The following BEST1 variants were observed in gnomAD, a reference collection of about 807,000 sequenced individuals.
BEST1 encodes bestrophin-1.
BEST1 carries 58 observed loss-of-function variants against 63.3 expected under a neutral mutation model. That is an observed-to-expected ratio of 0.92 (90% CI 0.74 to 1.14). The LOEUF (loss-of-function observed/expected upper bound fraction) is 1.14. Ranked by LOEUF, BEST1 falls within the 50% of genes most tolerant of loss-of-function variation. The pLI is 0.00. For missense variants in BEST1, 671 were observed against 740.1 expected (o/e 0.91, Z 1.08); for synonymous variants, 283 against 291.6 (o/e 0.97, Z 0.30).
chr11:61,957,008 C>A lies in BEST1; in HGVS notation c.636+10C>A. ...CCAGAGCCTGCTGAACGTGAGCCCA[C>A]TGTACAGACAGGGCTGCCGCAGAGT... On this transcript the variant is annotated intron_variant, in intron 5 of 10. Coordinates refer to ENST00000378043, the MANE Select transcript of BEST1 (RefSeq NM_004183.4). The A allele has an allele frequency of 6.2e-7, 1 of 1,614,144 alleles. No homozygotes were observed.
chr11:61,965,183 C>T, downstream of BEST1: 1 of 1,601,032 alleles, frequency 6.2e-7, no homozygotes. Flanking sequence ...TCTCTAACCA[C>T]CACGTTTTGG....
chr11:61,958,113 C>A (rs773216730), intron 6 of BEST1, 33 bp from the exon 7 acceptor site: 1 of 1,360,126 alleles, frequency 7.4e-7, no homozygotes, highest in South Asian at 1.3e-5. Flanking sequence ...TCCCACCTAG[C>A]CCTTTGCTAC....
downstream of BEST1, chr11:61,965,248 C>A: frequency 6.3e-7 from 1 of 1,593,680 alleles, no homozygotes; most frequent in Non-Finnish European, 8.6e-7. Context: ...CCTAAAAAAG[C>A]ACAAAAGGCA....
intron 5 of BEST1, among the ~76,000 whole-genome samples, 166 bp downstream of exon 5, chr11:61,957,164 CCTTCTCAGAGGCCCCTCCCT>C (rs1326884886): frequency 1.3e-5 from 2 of 152,088 alleles, no homozygotes; most frequent in African/African-American, 4.8e-5. Context: ...CGAGGTGGTC[CCTTCTCAGAGGCCCCTCCCT>C]CTTCTCCAAG....
chr11:61,962,880 G>A lies in BEST1; in HGVS notation c.1726G>A (p.Ala576Thr), dbSNP rs748474244. 6.2e-7 allele frequency: 1 copy of A among 1,614,108 alleles called. No homozygotes were observed. Among genetic ancestry groups the A allele is most frequent in the Non-Finnish European group, 8.5e-7 (1 of 1,179,972 alleles). Residue 576 changes from alanine to threonine, a missense_variant, in exon 10 of 11, where the codon GCC (alanine) becomes ACC (threonine). Transcript: ENST00000378043. ...TLKDHMDPYW[A>T]LENRDEAHS ...CAAAGATCACATGGATCCTTATTGG[G>A]CCTTGGAAAACAGGTCTGTCCTCCA...
rs1460811009 is a variant in BEST1, at chr11:61,962,767, A to C, written c.1613A>C (p.Glu538Ala). ...EVSQVRRKTVEFNLTDMPEIP... is the reference protein window; with the variant it reads ...EVSQVRRKTVAFNLTDMPEIP... ...TCTCAAGTGAGGAGGAAAACTGTGG[A>C]GTTTAACCTGACGGATATGCCAGAG... Residue 538 changes from glutamate to alanine, a missense_variant, in exon 10 of 11, where the codon GAG (glutamate) becomes GCG (alanine). By Grantham distance (107) the Glu-to-Ala change is moderately radical (BLOSUM62 -1). Transcript: ENST00000378043. 3.1e-6 allele frequency: 5 copies of C among 1,614,212 alleles called. No homozygotes were observed. The Admixed American group carries it at 8.3e-5, about 27-fold the overall frequency.
intron 5 of BEST1, 27 bp downstream of exon 5, chr11:61,957,025 C>T (rs781412251): frequency 1.2e-6 from 2 of 1,613,928 alleles, no homozygotes; most frequent in East Asian, 2.2e-5. Flanking sequence ...GACAGGGCTG[C>T]CGCAGAGTGG....
At chr11:61,961,755 C>T (rs1290008809) in intron 9 of BEST1, 1 of 183,076 alleles carries the variant, frequency 5.5e-6, no homozygotes, top group African/African-American at 2.4e-5. Context: ...AGGCCATACT[C>T]TCTGGTAGAT....
intron 2 of BEST1, among the ~76,000 whole-genome samples, chr11:61,954,360 G>A (rs1425894991): frequency 6.6e-6 from 1 of 152,154 alleles, no homozygotes; most frequent in African/African-American, 2.4e-5. Context: ...CATTCCATGG[G>A]TTTGGATAAA....
chr11:61,962,079 T>A (rs918089719), intron 9 of BEST1, 176 bp from the exon 10 acceptor site: 1 of 658,338 alleles, frequency 1.5e-6, no homozygotes, highest in Non-Finnish European at 2.6e-6. Flanking sequence ...CCTGGAGGGA[T>A]CACCGGGAGG....
chr11:61,965,109 G>A, downstream of BEST1: 1 of 1,604,302 alleles, frequency 6.2e-7, no homozygotes, highest in Non-Finnish European at 8.5e-7. Context: ...TCACAGTCTG[G>A]TTTCTGAATG....
At chr11:61,953,686 G>T (rs1940958551) in intron 2 of BEST1, among the ~76,000 whole-genome samples, 1 of 152,146 alleles carries the variant, frequency 6.6e-6, no homozygotes, top group South Asian at 2.1e-4. Context: ...CTCCAGCCTA[G>T]GTGACAGAGT....
chr11:61,956,708 T>C, intron 4 of BEST1, 136 bp from the exon 5 acceptor site: 1 of 994,148 alleles, frequency 1.0e-6, no homozygotes, highest in South Asian at 1.3e-5. Context: ...CAGCACCTAG[T>C]AGGTGCTCAG....
intron 8 of BEST1, 110 bp downstream of exon 8, chr11:61,959,688 C>G (rs1190748024): frequency 1.5e-6 from 2 of 1,327,472 alleles, no homozygotes; most frequent in Non-Finnish European, 2.1e-6. Context: ...CAACCCTTCC[C>G]CTCCTCCCTC....
At chr11:61,959,422 C>T in intron 7 of BEST1, 76 bp from the exon 8 acceptor site, 1 of 1,403,784 alleles carries the variant, frequency 7.1e-7, no homozygotes, top group Non-Finnish European at 1.0e-6. Flanking sequence ...GAAATAGCAG[C>T]AGCTGAGGTT....
In BEST1 at chr11:61,951,965, C is replaced by T. The variant is rs1305920977; in HGVS notation, c.152+7C>T. The T allele has an allele frequency of 4.3e-6, 7 of 1,613,270 alleles. No homozygotes were observed. Among genetic ancestry groups the T allele is most frequent in the Admixed American group, 3.3e-5 (2 of 60,000 alleles). ...TCATCCGCTTTATTTATAGGTAAAG[C>T]TGGCAGGGCTGGGCCGGGGGGCCTG... On this transcript the variant is annotated splice_region_variant and intron_variant, in intron 2 of 10. Transcript: ENST00000378043.
In BEST1 at chr11:61,955,919, G is replaced by C. The variant is rs1249897117; in HGVS notation, c.449G>C (p.Arg150Pro). 1.9e-6 allele frequency: 3 copies of C among 1,549,834 alleles called. No homozygotes were observed. In the Admixed American group the frequency reaches 5.9e-5, roughly 30 times the overall value. ...AGCGTCAGCACCGCAGTCTACAAGC[G>C]CTTCCCCAGCGCCCAGCACCTGGTG... is the stretch of plus-strand genomic sequence containing the variant. ...LRSVSTAVYK[R>P]FPSAQHLVQA... is the part of the protein sequence containing the mutation. Residue 150 changes from arginine (R) to proline (P), a missense_variant, in exon 4 of 11, where the codon CGC (arginine) becomes CCC (proline). Arg to Pro is a moderately radical substitution (Grantham distance 103). Transcript: ENST00000378043.
chr11:61,952,044 G>C, intron 2 of BEST1, 86 bp downstream of exon 2: 1 of 1,499,294 alleles, frequency 6.7e-7, no homozygotes. Flanking sequence ...CCAGCTCAGG[G>C]GCCAGTGTAC....
At chr11:61,963,536 C>T (rs1942293337) in intron 10 of BEST1, 1 of 1,029,874 alleles carries the variant, frequency 9.7e-7, no homozygotes, top group Non-Finnish European at 1.2e-6. Flanking sequence ...CACTTTCACC[C>T]AATTATAAAC....
Sources: gnomAD v4.1 joint callset for allele counts (sites outside exome capture counted in the v4.1 genomes callset) on GRCh38, gnomAD v4.1.1 for gene constraint, MANE v1.5 for transcripts, NCBI Gene and HGNC (gene_info 2026-07-23, HGNC 2026-07-21) for gene names.